Variants in LIN54 observed in about 807,000 individuals in gnomAD.
The protein encoded by LIN54 is protein lin-54 homolog.
In LIN54, 9 loss-of-function variants were observed where a neutral mutation model predicts 78.7. The ratio of observed to expected loss-of-function variants is 0.11; its 90% CI spans 0.07 to 0.20. The LOEUF (loss-of-function observed/expected upper bound fraction) is 0.20, where lower values mean the gene tolerates loss of function less well. Ranked by LOEUF, LIN54 falls within the 10% of genes least tolerant of loss-of-function variation. The pLI is 1.00. For missense variants in LIN54, 573 were observed against 889.9 expected (o/e 0.64, Z 4.53); for synonymous variants, 269 against 318.4 (o/e 0.84, Z 1.65).
At chr4:82,987,215 C>T (rs528200323) in intron 1 of LIN54, among the ~76,000 whole-genome samples, 109 of 152,120 alleles carry the variant, frequency 7.2e-4, no homozygotes, top group African/African-American at 2.4e-3. Flanking sequence ...CGCTTGAAGC[C>T]GGGAGGCGGA....
chr4:83,004,671 G>C (rs763199513), intron 1 of LIN54, among the ~76,000 whole-genome samples: 1 of 145,010 alleles, frequency 6.9e-6, no homozygotes, highest in Non-Finnish European at 1.6e-5. Context: ...AATTTTCTTT[G>C]TATTTGTTGT....
intron 1 of LIN54, among the ~76,000 whole-genome samples, chr4:83,002,477 AGGAG>A (rs1224636477): frequency 6.9e-6 from 1 of 144,208 alleles, no homozygotes; most frequent in Non-Finnish European, 1.5e-5. Flanking sequence ...GGAGGAGGGA[AGGAG>A]GGAGGGAGGC....
intron 4 of LIN54, among the ~76,000 whole-genome samples, chr4:82,963,549 A>G (rs1254451972): frequency 6.6e-6 from 1 of 152,218 alleles, no homozygotes; most frequent in East Asian, 1.9e-4. Flanking sequence ...ATGTTTAACA[A>G]CAATAGCATA....
intron 1 of LIN54, among the ~76,000 whole-genome samples, chr4:83,002,270 G>A (rs919750693): frequency 1.3e-5 from 2 of 151,776 alleles, no homozygotes; most frequent in African/African-American, 4.8e-5. Context: ...GCATAGTGGT[G>A]CATGCCTTTA....
intron 4 of LIN54, among the ~76,000 whole-genome samples, chr4:82,947,235 A>ATATATTTTTTTTTTTTTTTTTTTTTTT: frequency 2.3e-5 from 1 of 44,292 alleles, no homozygotes; most frequent in African/African-American, 1.0e-4. Context: ...ATATATATAT[A>ATATATTTTTTTTTTTTTTTTTTTTTTT]TTTTTTTTTT....
rs1026202036 is a variant in LIN54 at position 82,963,507 on chromosome 4, G to A, written c.951+6820C>T. 1.3e-5 allele frequency among the ~76,000 whole-genome samples: 2 copies of A among 151,996 alleles called. 1 individual carries two copies. Among genetic ancestry groups the A allele is most frequent in the South Asian group, 4.1e-4 (2 of 4,830 alleles). On this transcript the variant is annotated intron_variant, in intron 4 of 12. Coordinates refer to ENST00000340417, the MANE Select transcript of LIN54 (RefSeq NM_194282.4). ...TTGTCTAAAGCTAAAACAGTAAAAT[G>A]GGTTATGGAATTTATAACATGTAAA...
At chr4:82,962,079 C>A (rs897909730) in intron 4 of LIN54, among the ~76,000 whole-genome samples, 7 of 152,110 alleles carry the variant, frequency 4.6e-5, no homozygotes, top group Non-Finnish European at 8.8e-5. Flanking sequence ...AAAGAGCTCT[C>A]TAGGAACCTA....
intron 1 of LIN54, among the ~76,000 whole-genome samples, chr4:82,992,811 G>A (rs770593392): frequency 2.0e-5 from 3 of 152,028 alleles, no homozygotes; most frequent in African/African-American, 7.2e-5. Flanking sequence ...GGTGGATCAC[G>A]AGGTCAGGAG....
chr4:82,936,888 A>C (rs758264489), intron 9 of LIN54, among the ~76,000 whole-genome samples: 1 of 152,230 alleles, frequency 6.6e-6, no homozygotes, highest in Non-Finnish European at 1.5e-5. Flanking sequence ...GTGACTTTTA[A>C]AACTACCTAG....
In LIN54 at chr4:82,938,817, C is replaced by T. The variant is rs79837467; in HGVS notation, c.1441-313G>A. Reference sequence around the variant, plus strand: ...AAAGTACTGTAATAACTTGTTTGGGCTAGAAAAATGCAATGTGCCTACTTA... The same window carrying T: ...AAAGTACTGTAATAACTTGTTTGGGTTAGAAAAATGCAATGTGCCTACTTA... On this transcript the variant is annotated intron_variant, in intron 7 of 12. Coordinates refer to ENST00000340417, the MANE Select transcript of LIN54 (RefSeq NM_194282.4). Among the ~76,000 whole-genome samples the T allele has an allele frequency of 6.5e-3, 993 of 152,276 alleles. 3 individuals are homozygous for T. Among genetic ancestry groups the T allele is most frequent in the Non-Finnish European group, 0.01 (712 of 68,018 alleles).
chr4:82,947,235 A>ATTTTTTTTTTTTTTTTTTTTTT lies in LIN54; in HGVS notation c.952-762_952-761insAAAAAAAAAAAAAAAAAAAAAA, dbSNP rs34511957. On this transcript the variant is annotated intron_variant, in intron 4 of 12. Coordinates refer to ENST00000340417, the MANE Select transcript of LIN54 (RefSeq NM_194282.4). ...TATATATATATATATATATATATAT[A>ATTTTTTTTTTTTTTTTTTTTTT]TTTTTTTTTTTTTTGAAGACAGGGT... 4.5e-5 allele frequency among the ~76,000 whole-genome samples: 2 copies of ATTTTTTTTTTTTTTTTTTTTTT among 44,292 alleles called. 1 individual carries two copies. Among genetic ancestry groups the ATTTTTTTTTTTTTTTTTTTTTT allele is most frequent in the African/African-American group, 2.0e-4 (2 of 10,020 alleles). 29.1% of individuals were successfully genotyped at this position (44,292 alleles called of 152,430 possible). A position where few individuals can be genotyped will look rare whatever the true frequency, so the allele number is the denominator to read the frequency against.
chr4:82,970,914 T>C (rs1725587320), intron 3 of LIN54, among the ~76,000 whole-genome samples: 1 of 151,604 alleles, frequency 6.6e-6, no homozygotes, highest in African/African-American at 2.4e-5. Context: ...CAGATAGTTA[T>C]TGGACTAACT....
chr4:82,935,534 C>T (rs1722331708), intron 11 of LIN54, among the ~76,000 whole-genome samples: 1 of 151,860 alleles, frequency 6.6e-6, no homozygotes, highest in Admixed American at 6.6e-5. Flanking sequence ...GTGATCTGCC[C>T]GCCTCTGCCT....
chr4:82,960,512 C>G (rs974599616), intron 4 of LIN54, among the ~76,000 whole-genome samples: 2 of 151,540 alleles, frequency 1.3e-5, no homozygotes, highest in Non-Finnish European at 2.9e-5. Context: ...TGGCTCAATG[C>G]AGCCTCAACC....
In LIN54 at chr4:82,927,300, A is replaced by G. The variant is rs946097950; in HGVS notation, c.*802T>C. ...ATGTGAGGTTCTATATTATCACTAC[A>G]TAATGTTTACTTCCATTTATATCCA... On this transcript the variant is annotated 3_prime_UTR_variant, in exon 13 of 13. Transcript: ENST00000340417. The G allele has an allele frequency of 1.3e-5, 2 of 152,146 alleles. No homozygotes were observed. The highest frequency in any genetic ancestry group is 4.8e-5 in the African/African-American group (2 of 41,456). 9.4% of individuals were successfully genotyped at this position (152,146 alleles called of 1,614,324 possible).
At chr4:82,975,588 T>A (rs1438696922) in intron 3 of LIN54, among the ~76,000 whole-genome samples, 1 of 151,752 alleles carries the variant, frequency 6.6e-6, no homozygotes, top group Non-Finnish European at 1.5e-5. Context: ...GGCAGGCACC[T>A]GTAATCCCAG....
intron 3 of LIN54, 91 bp from the exon 4 acceptor site, chr4:82,970,560 G>C: frequency 8.6e-7 from 1 of 1,162,214 alleles, no homozygotes; most frequent in South Asian, 1.6e-5. Flanking sequence ...AAGGACTGCA[G>C]AATGTATGTT....
chr4:82,929,132 T>A (rs992022813), intron 12 of LIN54, among the ~76,000 whole-genome samples: 15 of 152,240 alleles, frequency 9.9e-5, no homozygotes, highest in Admixed American at 9.2e-4. Context: ...CAGGCTGCCA[T>A]GCAGCTGTAT....
chr4:83,006,448 CAAAAAAAAAAAAAAA>C (rs1012603724), intron 1 of LIN54, among the ~76,000 whole-genome samples: 3 of 60,058 alleles, frequency 5.0e-5, no homozygotes, highest in African/African-American at 1.8e-4. Flanking sequence ...GACTCCGTCT[CAAAAAAAAAAAAAAA>C]GAAAAAAAAA....
Sources: allele counts gnomAD v4.1 joint callset (sites outside exome capture counted in the v4.1 genomes callset), GRCh38; gene constraint gnomAD v4.1.1; transcripts MANE v1.5; gene names NCBI Gene and HGNC (gene_info 2026-07-23, HGNC 2026-07-21).